Variants in ZHX2 observed in about 807,000 individuals in gnomAD.
ZHX2 encodes zinc fingers and homeoboxes 2.
A neutral mutation model predicts 21.9 loss-of-function variants in ZHX2; 6 were observed. The ratio of observed to expected loss-of-function variants is 0.27; its 90% CI spans 0.15 to 0.54. The LOEUF is 0.54. Ranked by LOEUF, ZHX2 falls within the 20% of genes least tolerant of loss-of-function variation. ZHX2 has a pLI of 0.95. For synonymous variants in ZHX2, 434 were observed against 437.1 expected (o/e 0.99, Z 0.09); for missense variants, 908 against 1,090.7 (o/e 0.83, Z 2.36).
Position 122,875,546 on chromosome 8 carries a change from A to G in ZHX2, c.-220+12007A>G, listed in dbSNP as rs542834165. On this transcript the variant is annotated intron_variant, in intron 2 of 3. Coordinates refer to ENST00000314393, the MANE Select transcript of ZHX2 (RefSeq NM_014943.5). ...ACCTTGGGGCCTTCCCACAGTGGTG[A>G]CTTTCATAAGATTTGTAGCAACAGC... 2.2e-4 allele frequency among the ~76,000 whole-genome samples: 34 copies of G among 152,254 alleles called. 1 individual carries two copies. The highest frequency in any genetic ancestry group is 7.9e-4 in the African/African-American group (33 of 41,556).
At chr8:122,920,828 G>C (rs957669219) in intron 2 of ZHX2, among the ~76,000 whole-genome samples, 4 of 152,226 alleles carry the variant, frequency 2.6e-5, no homozygotes, top group Admixed American at 2.6e-4. Flanking sequence ...ACCCACGAGA[G>C]GAGGTGCTGG....
At chr8:122,868,265 A>G (rs1023211062) in intron 2 of ZHX2, among the ~76,000 whole-genome samples, 1 of 152,212 alleles carries the variant, frequency 6.6e-6, no homozygotes, top group Admixed American at 6.5e-5. Flanking sequence ...TTACTTGTTA[A>G]TAACGGGTAA....
At chr8:122,928,036 C>T (rs1820899385) in intron 2 of ZHX2, among the ~76,000 whole-genome samples, 1 of 152,174 alleles carries the variant, frequency 6.6e-6, no homozygotes, top group Admixed American at 6.5e-5. Context: ...AAGTCCCATA[C>T]TACCCCTAAA....
intron 1 of ZHX2, among the ~76,000 whole-genome samples, chr8:122,816,079 CAA>C (rs71310626): frequency 2.1e-4 from 19 of 90,264 alleles, no homozygotes; most frequent in African/African-American, 5.4e-4. Context: ...GACTCCGTCT[CAA>C]AAAAAAAAAA....
At chr8:122,934,159 C>T (rs1812616688) in intron 2 of ZHX2, among the ~76,000 whole-genome samples, 1 of 152,138 alleles carries the variant, frequency 6.6e-6, no homozygotes, top group South Asian at 2.1e-4. Context: ...GTCATTAGCT[C>T]CAGATAAATT....
intron 1 of ZHX2, among the ~76,000 whole-genome samples, chr8:122,800,478 C>T (rs997936704): frequency 6.6e-6 from 1 of 152,176 alleles, no homozygotes; most frequent in Non-Finnish European, 1.5e-5. Context: ...CATAGTGGAG[C>T]CCCCGAGCTG....
intron 1 of ZHX2, among the ~76,000 whole-genome samples, chr8:122,804,384 C>T (rs1235801262): frequency 1.3e-5 from 2 of 152,208 alleles, no homozygotes; most frequent in Non-Finnish European, 2.9e-5. Context: ...GCCCGGATTA[C>T]AGACGTAAGC....
intron 2 of ZHX2, among the ~76,000 whole-genome samples, chr8:122,944,978 C>G (rs1471862451): frequency 1.3e-5 from 2 of 152,096 alleles, no homozygotes; most frequent in African/African-American, 4.8e-5. Context: ...GAAACAGACT[C>G]CCACAGAGGG....
rs182064592 is a variant in ZHX2, at chr8:122,880,021, A to G, written c.-220+16482A>G. Among the ~76,000 whole-genome samples, 60 of 141,900 alleles carry G rather than the reference A, an allele frequency of 4.2e-4. No individual in the cohort carries two copies. The East Asian group carries it at 0.012, about 29-fold the overall frequency. 93.1% of individuals were successfully genotyped at this position (141,900 alleles called of 152,430 possible). On this transcript the variant is annotated intron_variant, in intron 2 of 3. Coordinates refer to ENST00000314393, the MANE Select transcript of ZHX2 (RefSeq NM_014943.5). ...GGAGCCTCGCTCTGTTGTCCAGGCT[A>G]GAGTACAGTGGTGCAATCTCAGCTC...
At chr8:122,880,080 C>T (rs186164402) in intron 2 of ZHX2, among the ~76,000 whole-genome samples, 26 of 149,824 alleles carry the variant, frequency 1.7e-4, no homozygotes, top group Middle Eastern at 3.4e-3. Context: ...TCAAGTGATT[C>T]GTCTACCTCA....
Position 122,953,302 on chromosome 8 carries a change from G to A in ZHX2, c.1792G>A (p.Gly598Ser), listed in dbSNP as rs1813185781. 6.2e-7 allele frequency: 1 copy of A among 1,614,068 alleles called. No individual in the cohort carries two copies. Among genetic ancestry groups the A allele is most frequent in the African/African-American group, 1.3e-5 (1 of 75,026 alleles). ...AGCTGTCTTGGATTCCATGGGGTCT[G>A]GCAAAAAAGGCCAAGATGTGGGAGC... ...EQAVLDSMGSGKKGQDVGAPN... is the reference protein window; with the variant it reads ...EQAVLDSMGSSKKGQDVGAPN... The change falls in exon 3 of 4, where the codon GGC becomes AGC. Residue 598 changes from glycine to serine, a missense_variant. By Grantham distance (56) the Gly-to-Ser change is moderately conservative. Coordinates refer to ENST00000314393, the MANE Select transcript of ZHX2 (RefSeq NM_014943.5). This position sits in a 1 kb window ranked among gnomAD's most constrained non-coding sequence, Gnocchi z 4.6.
chr8:122,942,429 G>C (rs1191281004), intron 2 of ZHX2, among the ~76,000 whole-genome samples: 2 of 152,120 alleles, frequency 1.3e-5, no homozygotes, highest in African/African-American at 4.8e-5. Context: ...TCTCCTGACA[G>C]CCCTAGTGAA....
intron 2 of ZHX2, among the ~76,000 whole-genome samples, chr8:122,943,445 C>T (rs143145864): frequency 2.6e-5 from 4 of 152,272 alleles, no homozygotes; most frequent in East Asian, 1.9e-4. Context: ...TTAGTGTCCA[C>T]GTAGGGTTTC....
intron 1 of ZHX2, among the ~76,000 whole-genome samples, chr8:122,822,279 G>A (rs1818169877): frequency 6.6e-6 from 1 of 152,146 alleles, no homozygotes; most frequent in Non-Finnish European, 1.5e-5. Context: ...ACCTCCACTT[G>A]GGTTGCTGCT....
At chr8:122,967,385 C>T (rs1813609858) in intron 3 of ZHX2, among the ~76,000 whole-genome samples, 1 of 152,194 alleles carries the variant, frequency 6.6e-6, no homozygotes, top group African/African-American at 2.4e-5. Context: ...GATGGGGCTT[C>T]CTGAGAGCCA....
intron 2 of ZHX2, among the ~76,000 whole-genome samples, chr8:122,874,648 C>A (rs1325917126): frequency 1.3e-5 from 2 of 152,032 alleles, no homozygotes; most frequent in African/African-American, 4.8e-5. Flanking sequence ...ATCTCCATAA[C>A]CATCAAGAGG....
chr8:122,857,711 C>G (rs1052078630), intron 1 of ZHX2, among the ~76,000 whole-genome samples: 2 of 152,196 alleles, frequency 1.3e-5, no homozygotes, highest in Admixed American at 1.3e-4. Flanking sequence ...TCAGTCAGGC[C>G]TGAGTTCAAA....
intron 1 of ZHX2, among the ~76,000 whole-genome samples, chr8:122,832,171 G>A (rs1261986360): frequency 1.3e-5 from 2 of 152,206 alleles, no homozygotes; most frequent in Non-Finnish European, 2.9e-5. Flanking sequence ...GTTTAGATGG[G>A]AGATGGTTAG....
chr8:122,816,614 T>C (rs1818040545), intron 1 of ZHX2: 1 of 137,644 alleles, frequency 7.3e-6, no homozygotes, highest in South Asian at 2.4e-4. Flanking sequence ...GCCTCATTTT[T>C]ATTTAGTTAT....
Sources: allele counts gnomAD v4.1 joint callset (sites outside exome capture counted in the v4.1 genomes callset), GRCh38; gene constraint gnomAD v4.1.1; non-coding constraint Gnocchi (gnomAD v3.1); transcripts MANE v1.5; gene names NCBI Gene and HGNC (gene_info 2026-07-23, HGNC 2026-07-21).